Variants in REPS1 observed in about 807,000 individuals in gnomAD.
The protein encoded by REPS1 is ralBP1-associated Eps domain-containing protein 1.
Under a neutral mutation model 100.9 loss-of-function variants are expected in REPS1, and 39 were observed. The ratio of observed to expected loss-of-function variants is 0.39; its 90% CI spans 0.30 to 0.50. REPS1 has a LOEUF of 0.50. REPS1 is among the 20% of genes least tolerant of loss of function. The pLI is 0.86. For missense variants in REPS1, 821 were observed against 968.5 expected (o/e 0.85, Z 2.02); for synonymous variants, 324 against 340.3 (o/e 0.95, Z 0.53).
chr6:138,955,333 A>T (rs1437272237), intron 1 of REPS1, among the ~76,000 whole-genome samples: 1 of 151,796 alleles, frequency 6.6e-6, no homozygotes, highest in Non-Finnish European at 1.5e-5. Flanking sequence ...CTGTAGTGCT[A>T]GCTACTAGGG....
chr6:138,920,419 G>A, intron 11 of REPS1, 103 bp from the exon 12 acceptor site: 2 of 509,324 alleles, frequency 3.9e-6, no homozygotes, highest in Admixed American at 3.1e-5. Flanking sequence ...CAAAGAAGTG[G>A]CAGGTAAATC....
intron 8 of REPS1, among the ~76,000 whole-genome samples, chr6:138,932,255 AAT>A (rs1445378117): frequency 6.6e-6 from 1 of 151,994 alleles, no homozygotes; most frequent in Non-Finnish European, 1.5e-5. Context: ...CCGCTATTTC[AAT>A]AGAGTTATTT....
chr6:138,978,123 G>A (rs1784702876), intron 1 of REPS1, among the ~76,000 whole-genome samples: 1 of 149,840 alleles, frequency 6.7e-6, no homozygotes, highest in African/African-American at 2.5e-5. Flanking sequence ...TAAGTGAGTT[G>A]TAAGATTTTT....
intron 1 of REPS1, among the ~76,000 whole-genome samples, chr6:138,964,618 T>C (rs1261465074): frequency 6.6e-6 from 1 of 151,910 alleles, no homozygotes; most frequent in African/African-American, 2.4e-5. Context: ...ACAATTTTTG[T>C]CAGTTAAGGA....
chr6:138,916,038 A>T (rs1276006344), intron 13 of REPS1, 62 bp from the exon 14 acceptor site: 5 of 1,190,254 alleles, frequency 4.2e-6, no homozygotes, highest in Non-Finnish European at 6.3e-6. Context: ...TTTCTTTTTA[A>T]ACATTTACAC....
Position 138,926,408 on chromosome 6 carries a change from G to C in REPS1, c.1331C>G (p.Ala444Gly). The part of the protein sequence containing the change: ...LTQFDSNIAP[A>G]DPDTAIVHPV... ...GCTAAGTGATTGACTTACAGGATCA[G>C]CTGGTGCAATGTTAGAATCAAATTG... The change falls in exon 10 of 20, where the codon GCT (alanine) becomes GGT (glycine). Residue 444 changes from alanine to glycine, a missense_variant. Physicochemically the swap from Ala to Gly is moderately conservative, Grantham distance 60. Transcript: ENST00000450536. 1 of 1,609,094 alleles carries C rather than the reference G, an allele frequency of 6.2e-7. No individual in the cohort carries two copies. Among genetic ancestry groups the C allele is most frequent in the Non-Finnish European group, 8.5e-7 (1 of 1,175,978 alleles).
intron 1 of REPS1, among the ~76,000 whole-genome samples, chr6:138,980,687 G>T (rs1255822569): frequency 1.1e-5 from 1 of 94,092 alleles, no homozygotes; most frequent in Non-Finnish European, 2.2e-5. Context: ...GGGTGGGGCG[G>T]GGGGGGGGGG....
chr6:138,945,667 G>A lies in REPS1; in HGVS notation c.308C>T (p.Ala103Val). 6.2e-7 allele frequency: 1 copy of A among 1,608,084 alleles called. No individual in the cohort carries two copies. Among genetic ancestry groups the A allele is most frequent in the Non-Finnish European group, 8.5e-7 (1 of 1,177,882 alleles). Reference sequence around the variant, plus strand: ...GCGAGATTCCTGTTCATTCTTTGAAGCAACAAATCTTGGCAGAGGAAGGTC... The same window carrying A: ...GCGAGATTCCTGTTCATTCTTTGAAACAACAAATCTTGGCAGAGGAAGGTC... ...VKDLPLPRFV[A>V]SKNEQESRHA... The change falls in exon 3 of 20, where the codon GCT becomes GTT. Residue 103 changes from alanine to valine, a missense_variant. Ala to Val is a moderately conservative substitution (Grantham distance 64). Coordinates refer to ENST00000450536, the MANE Select transcript of REPS1 (RefSeq NM_001286611.2).
At chr6:138,940,741 A>G (rs1008333999) in intron 8 of REPS1, among the ~76,000 whole-genome samples, 19 of 151,428 alleles carry the variant, frequency 1.3e-4, no homozygotes, top group Non-Finnish European at 2.2e-4. Flanking sequence ...CGAGACTCCA[A>G]CTCAAAAAAA....
In REPS1 at chr6:138,926,346, G is replaced by A. The variant is rs548534648; in HGVS notation, c.1338+55C>T. 16 of 1,278,236 alleles carry A rather than the reference G, an allele frequency of 1.3e-5. No homozygotes were observed. In the African/African-American group the frequency reaches 1.8e-4, roughly 14 times the overall value. 79.2% of individuals were successfully genotyped at this position (1,278,236 alleles called of 1,614,324 possible). On this transcript the variant is annotated intron_variant, in intron 10 of 19. Coordinates refer to ENST00000450536, the MANE Select transcript of REPS1 (RefSeq NM_001286611.2). ...TATCAGCTAAAAACGATAATGAATG[G>A]AAATTTGGGTTAATAAAATTAATCT...
intron 1 of REPS1, among the ~76,000 whole-genome samples, chr6:138,973,276 C>A (rs1784431863): frequency 6.6e-6 from 1 of 152,062 alleles, no homozygotes; most frequent in African/African-American, 2.4e-5. Flanking sequence ...ATTTCAAAGA[C>A]CTTTCTAATT....
At chr6:138,940,816 A>C (rs918935639) in intron 8 of REPS1, among the ~76,000 whole-genome samples, 1 of 152,114 alleles carries the variant, frequency 6.6e-6, no homozygotes, top group African/African-American at 2.4e-5. Context: ...ATGAACATTT[A>C]GCATTCTTGT....
intron 1 of REPS1, among the ~76,000 whole-genome samples, chr6:138,958,649 C>A (rs752834742): frequency 2.0e-5 from 3 of 152,120 alleles, no homozygotes; most frequent in Non-Finnish European, 4.4e-5. Flanking sequence ...TTGTAGTATA[C>A]TGCAATTATG....
At position 138,920,331 on chromosome 6, in the gene REPS1, AT is replaced by A; in HGVS notation, c.1427-16del. The A allele has an allele frequency of 3.0e-6, 4 of 1,338,542 alleles. No homozygotes were observed. Among genetic ancestry groups the A allele is most frequent in the Non-Finnish European group, 4.3e-6 (4 of 930,000 alleles). 82.9% of individuals were successfully genotyped at this position (1,338,542 alleles called of 1,614,324 possible). On this transcript the variant is annotated splice_polypyrimidine_tract_variant and intron_variant, in intron 11 of 19. Transcript: ENST00000450536. The stretch of plus-strand genomic sequence containing the variant: ...ATTTGTATGATCTAATAGAGAATTA[AT>A]AGGTAAAAATACAAGACATAGGTAT...
chr6:138,955,864 T>G (rs1394101824), intron 1 of REPS1, among the ~76,000 whole-genome samples: 2 of 152,150 alleles, frequency 1.3e-5, no homozygotes, highest in Non-Finnish European at 2.9e-5. Context: ...ATACACTACC[T>G]CCTTCAGTTG....
chr6:138,985,993 G>C (rs968819350), intron 1 of REPS1, among the ~76,000 whole-genome samples: 3 of 152,190 alleles, frequency 2.0e-5, no homozygotes, highest in Admixed American at 1.3e-4. Context: ...GGAGCAAAAA[G>C]AGTATGATTA....
intron 7 of REPS1, 71 bp from the exon 8 acceptor site, chr6:138,941,560 A>G (rs1446597039): frequency 9.1e-6 from 13 of 1,429,592 alleles, no homozygotes; most frequent in Non-Finnish European, 1.3e-5. Flanking sequence ...AAAAGAAGCA[A>G]GAGAAATATT....
rs775688704 is a variant in REPS1, at chr6:138,914,716, G to A, written c.1766C>T (p.Pro589Leu). ...GVVAHPPAVP[P>L]RPQPSQAPGP... ...AATTACCTGTGAGGGCTGTGGTCTT[G>A]GAGGCACTGCAGGAGGATGGGCAAC... is the stretch of plus-strand genomic sequence containing the variant. The change falls in exon 15 of 20, where the codon CCA (proline) becomes CTA (leucine). Residue 589 changes from proline (P) to leucine (L), a missense_variant. By Grantham distance (98) the Pro-to-Leu change is moderately conservative (BLOSUM62 -3). This residue lies in a region of REPS1 where 757 missense variants were observed against 866.4 expected (regional missense o/e 0.87). Transcript: ENST00000450536. 1.2e-6 allele frequency: 2 copies of A among 1,613,450 alleles called. No individual in the cohort carries two copies. Among genetic ancestry groups the A allele is most frequent in the Non-Finnish European group, 8.5e-7 (1 of 1,179,708 alleles).
At chr6:138,947,418 T>C (rs576344376) in intron 2 of REPS1, among the ~76,000 whole-genome samples, 32 of 152,346 alleles carry the variant, frequency 2.1e-4, no homozygotes, top group African/African-American at 7.0e-4. Flanking sequence ...TGTTGTTTTA[T>C]TGGAAATGAA....
Sources: allele counts gnomAD v4.1 joint callset (sites outside exome capture counted in the v4.1 genomes callset), GRCh38; gene constraint gnomAD v4.1.1; regional missense constraint gnomAD v4.1.1; transcripts MANE v1.5; gene names NCBI Gene and HGNC (gene_info 2026-07-23, HGNC 2026-07-21).